The following FAF1 variants were observed in gnomAD, a reference collection of about 807,000 sequenced individuals.
FAF1 encodes the protein Fas associated factor 1.
Under a neutral mutation model 92.5 loss-of-function variants are expected in FAF1, and 25 were observed. That is an observed-to-expected ratio of 0.27 (90% CI 0.20 to 0.38). FAF1 has a LOEUF of 0.38. Among genes scored for constraint, FAF1 ranks in the 10% least tolerant of loss-of-function variants. The pLI is 1.00. For missense variants in FAF1, 636 were observed against 793.3 expected, an observed-to-expected ratio of 0.80 and a Z score of 2.38; for synonymous variants, 234 against 273.2, an observed-to-expected ratio of 0.86 and a Z score of 1.42.
intron 4 of FAF1, among the ~76,000 whole-genome samples, chr1:50,776,582 GAA>G (rs1236718904): frequency 1.3e-5 from 2 of 151,774 alleles, no homozygotes; most frequent in East Asian, 3.9e-4. Context: ...AGGTTTTTCT[GAA>G]GTGATACACT....
chr1:50,563,426 TAA>T (rs1046418676), intron 13 of FAF1, among the ~76,000 whole-genome samples: 3 of 141,914 alleles, frequency 2.1e-5, no homozygotes, highest in Non-Finnish European at 1.5e-5. Flanking sequence ...CCTTGTCTCT[TAA>T]AAAAAAAAAA....
At chr1:50,543,875 T>C (rs1431099399) in intron 13 of FAF1, among the ~76,000 whole-genome samples, 2 of 152,296 alleles carry the variant, frequency 1.3e-5, no homozygotes, top group Admixed American at 6.5e-5. Context: ...TACAACTGGA[T>C]ACAAAACTAA....
intron 13 of FAF1, among the ~76,000 whole-genome samples, chr1:50,561,740 C>T (rs1649911113): frequency 6.6e-6 from 1 of 152,128 alleles, no homozygotes; most frequent in Admixed American, 6.5e-5. Context: ...GCAGAAGAAT[C>T]ACTTGAACCT....
At chr1:50,769,168 A>G (rs1356899783) in intron 4 of FAF1, among the ~76,000 whole-genome samples, 1 of 152,196 alleles carries the variant, frequency 6.6e-6, no homozygotes, top group Non-Finnish European at 1.5e-5. Context: ...TACTATGAAC[A>G]CCTCTATGCA....
intron 18 of FAF1, among the ~76,000 whole-genome samples, chr1:50,446,990 C>CTTTCTTTTTTTTTTTTTTTTTGAG (rs1572746894): frequency 6.6e-6 from 1 of 151,230 alleles, no homozygotes; most frequent in African/African-American, 2.4e-5. Context: ...TAATAATTTT[C>CTTTCTTTTTTTTTTTTTTTTTGAG]ATAGTAACTC....
chr1:50,584,373 A>C (rs1651126684), intron 10 of FAF1, among the ~76,000 whole-genome samples: 1 of 152,152 alleles, frequency 6.6e-6, no homozygotes, highest in East Asian at 1.9e-4. Context: ...AGTATCGGTC[A>C]CAGAAAGTAC....
chr1:50,788,416 T>G (rs573352991), intron 3 of FAF1, among the ~76,000 whole-genome samples: 5 of 152,248 alleles, frequency 3.3e-5, no homozygotes, highest in Non-Finnish European at 5.9e-5. Context: ...CTTGCCTTTC[T>G]ATGTTTATTA....
chr1:50,599,660 G>A (rs966302734), intron 8 of FAF1, among the ~76,000 whole-genome samples: 6 of 152,162 alleles, frequency 3.9e-5, no homozygotes, highest in Admixed American at 3.3e-4. Flanking sequence ...CAAATGGGAA[G>A]TATGTATAAA....
At chr1:50,788,396 C>A (rs1031727470) in intron 3 of FAF1, among the ~76,000 whole-genome samples, 191 bp from the exon 4 acceptor site, 2 of 152,204 alleles carry the variant, frequency 1.3e-5, no homozygotes, top group African/African-American at 4.8e-5. Context: ...ACATTACTCT[C>A]CTTCCCATCC....
At chr1:50,545,056 A>G (rs1296802005) in intron 13 of FAF1, among the ~76,000 whole-genome samples, 5 of 152,130 alleles carry the variant, frequency 3.3e-5, no homozygotes, top group African/African-American at 9.7e-5. Context: ...CAAAAACACC[A>G]TAACTAGGCC....
intron 13 of FAF1, among the ~76,000 whole-genome samples, chr1:50,550,225 C>A (rs1353610894): frequency 6.6e-6 from 1 of 151,906 alleles, no homozygotes; most frequent in Non-Finnish European, 1.5e-5. Flanking sequence ...GTGGCAGGCA[C>A]CTGTAGTCCC....
At chr1:50,949,893 T>A (rs1645200887) in intron 1 of FAF1, among the ~76,000 whole-genome samples, 1 of 152,178 alleles carries the variant, frequency 6.6e-6, no homozygotes, top group South Asian at 2.1e-4. Flanking sequence ...AGGGTCTCTC[T>A]GTCACCCACC....
At chr1:50,467,720 C>T (rs1285048213) in intron 18 of FAF1, among the ~76,000 whole-genome samples, 1 of 152,056 alleles carries the variant, frequency 6.6e-6, no homozygotes, top group Admixed American at 6.6e-5. Flanking sequence ...CAGTCATATA[C>T]CTAAGGTTTA....
intron 13 of FAF1, among the ~76,000 whole-genome samples, chr1:50,562,512 T>C (rs1649970607): frequency 6.6e-6 from 1 of 152,218 alleles, no homozygotes; most frequent in Admixed American, 6.5e-5. Context: ...AGACTAGGAA[T>C]GCTACTATGG....
At chr1:50,684,901 G>C (rs74621392) in intron 7 of FAF1, among the ~76,000 whole-genome samples, 1,945 of 152,220 alleles carry the variant, frequency 0.013, 37 homozygotes, top group African/African-American at 0.043. Flanking sequence ...ACCCCTCCTC[G>C]AAGAGTATAT....
At chr1:50,753,031 C>T (rs562373542) in intron 4 of FAF1, among the ~76,000 whole-genome samples, 1 of 152,252 alleles carries the variant, frequency 6.6e-6, no homozygotes, top group East Asian at 1.9e-4. Flanking sequence ...ATGTGTTTAA[C>T]GTAAAATAAA....
intron 1 of FAF1, among the ~76,000 whole-genome samples, chr1:50,918,036 G>GGCCTCAAGTGATCTGCCC (rs1195230672): frequency 1.3e-5 from 2 of 152,098 alleles, no homozygotes; most frequent in Non-Finnish European, 2.9e-5. Context: ...AAACCTTTCT[G>GGCCTCAAGTGATCTGCCC]GCCTCAAGTG....
At chr1:50,475,866 C>T (rs1646634099) in intron 17 of FAF1, among the ~76,000 whole-genome samples, 187 bp from the exon 18 acceptor site, 1 of 152,014 alleles carries the variant, frequency 6.6e-6, no homozygotes, top group African/African-American at 2.4e-5. Context: ...AATATTAGTC[C>T]AATAGGCAAG....
intron 1 of FAF1, among the ~76,000 whole-genome samples, chr1:50,889,397 C>T (rs1644699943): frequency 6.6e-6 from 1 of 152,026 alleles, no homozygotes; most frequent in African/African-American, 2.4e-5. Flanking sequence ...TATTTCTTGC[C>T]TTCTGCTAGC....
Sources: gnomAD v4.1 joint callset for allele counts (sites outside exome capture counted in the v4.1 genomes callset) on GRCh38, gnomAD v4.1.1 for gene constraint, MANE v1.5 for transcripts, NCBI Gene and HGNC (gene_info 2026-07-23, HGNC 2026-07-21) for gene names.